Variants in PKHD1 observed in about 807,000 individuals in gnomAD.
The protein encoded by PKHD1 is PKHD1 ciliary IPT domain containing fibrocystin/polyductin, also known as fibrocystin.
Under a neutral mutation model 412.0 loss-of-function variants are expected in PKHD1, and 291 were observed. The ratio of observed to expected loss-of-function variants is 0.71; its 90% CI spans 0.64 to 0.78. The LOEUF (loss-of-function observed/expected upper bound fraction) is 0.78, where lower values mean the gene tolerates loss of function less well. PKHD1 is among the 30% of genes least tolerant of loss of function. The probability of loss-of-function intolerance (pLI) is 0.00; values close to 1 mark genes in which losing one functional copy is unlikely to be tolerated. For synonymous variants in PKHD1, 1,777 were observed against 1,821.5 expected, an observed-to-expected ratio of 0.98 and a Z score of 0.62; for missense variants, 4,825 against 4,950.7, an observed-to-expected ratio of 0.97 and a Z score of 0.76.
intron 60 of PKHD1, among the ~76,000 whole-genome samples, chr6:51,716,493 G>T (rs557760184): frequency 2.1e-4 from 32 of 152,094 alleles, no homozygotes; most frequent in Non-Finnish European, 4.3e-4. Context: ...GTCACAAAAG[G>T]CTTCATAGAG....
chr6:51,911,663 C>CA, intron 39 of PKHD1, 136 bp downstream of exon 39: 1 of 756,326 alleles, frequency 1.3e-6, no homozygotes, highest in Non-Finnish European at 2.3e-6. Context: ...CTGAAAACTA[C>CA]AGAAAAGTAT....
At chr6:51,694,548 CTTTTTTTTT>C (rs67157925) in intron 60 of PKHD1, among the ~76,000 whole-genome samples, 61 of 37,708 alleles carry the variant, frequency 1.6e-3, no homozygotes, top group African/African-American at 6.6e-3. Context: ...CACAACCAGC[CTTTTTTTTT>C]TTTTTTTTTT....
intron 55 of PKHD1, among the ~76,000 whole-genome samples, chr6:51,768,037 T>TGGTTTTG (rs1239544403): frequency 6.6e-6 from 1 of 152,124 alleles, no homozygotes; most frequent in African/African-American, 2.4e-5. Flanking sequence ...TATCTCATTG[T>TGGTTTTG]GGTTTTGATT....
intron 52 of PKHD1, among the ~76,000 whole-genome samples, chr6:51,824,084 T>C (rs1266490576): frequency 1.3e-5 from 2 of 152,206 alleles, no homozygotes; most frequent in African/African-American, 4.8e-5. Context: ...TTAACATATG[T>C]CATAGCATTT....
chr6:52,020,915 A>G (rs1361803512), intron 33 of PKHD1, among the ~76,000 whole-genome samples: 1 of 602 alleles, frequency 1.7e-3, no homozygotes, highest in Admixed American at 0.083. Context: ...CTTCCTAGGG[A>G]AAAAAAAAAA....
chr6:51,779,207 C>G (rs561589021), intron 53 of PKHD1, among the ~76,000 whole-genome samples: 178 of 152,242 alleles, frequency 1.2e-3, no homozygotes, highest in African/African-American at 4.2e-3. Flanking sequence ...CCATTTTAAA[C>G]TCCTTCCTTT....
chr6:51,780,179 A>G (rs955916848), intron 53 of PKHD1, among the ~76,000 whole-genome samples: 5 of 152,152 alleles, frequency 3.3e-5, no homozygotes, highest in Admixed American at 2.6e-4. Flanking sequence ...CAAGGTCAAG[A>G]GATCTAGACC....
At chr6:51,863,279 G>T (rs563221432) in intron 48 of PKHD1, among the ~76,000 whole-genome samples, 1 of 152,010 alleles carries the variant, frequency 6.6e-6, no homozygotes, top group South Asian at 2.1e-4. Flanking sequence ...TTTTATGTAC[G>T]TCCTGTAAAA....
chr6:51,962,676 C>A (rs1473428528), intron 35 of PKHD1, among the ~76,000 whole-genome samples: 1 of 152,092 alleles, frequency 6.6e-6, no homozygotes, highest in Admixed American at 6.6e-5. Context: ...AAGCTCCCAT[C>A]TGAAGTTTTT....
In PKHD1 at chr6:51,902,411, T is replaced by C. The variant is rs535700443; in HGVS notation, c.6996+1186A>G. ...CTGGGATCTGGGTTCCTACAGTCCG[T>C]GTAGTTCTGCTTCCTTTGCTTACTG... On this transcript the variant is annotated intron_variant, in intron 43 of 66. Coordinates refer to ENST00000371117, the MANE Select transcript of PKHD1 (RefSeq NM_138694.4). Among the ~76,000 whole-genome samples, 4 of 152,290 alleles carry C rather than the reference T, an allele frequency of 2.6e-5. No individual in the cohort carries two copies. In the East Asian group the frequency reaches 5.8e-4, roughly 22 times the overall value.
chr6:51,671,172 T>C (rs370896593), intron 60 of PKHD1, among the ~76,000 whole-genome samples: 5 of 152,220 alleles, frequency 3.3e-5, no homozygotes, highest in Middle Eastern at 3.4e-3. Flanking sequence ...CTCCCCGTCA[T>C]TTTCAGGTAC....
chr6:52,065,133 T>TTATATATA (rs369093047), intron 12 of PKHD1, 83 bp from the exon 13 acceptor site: 77 of 132,248 alleles, frequency 5.8e-4, no homozygotes, highest in Non-Finnish European at 8.6e-4. Context: ...ATATGTATAA[T>TTATATATA]TATATATATA....
chr6:51,659,713 G>C lies in PKHD1; in HGVS notation c.10413C>G (p.Val3471=), dbSNP rs147440122. ...CTTGAGGAGTTTGATCCATGAAGCA[G>C]ACTTTGGTGATTTGCCTGATGGGTA... ...SILPIRQITK[V]CFMDQTPQVL... is the part of the protein sequence containing the mutation. Residue 3471 remains valine, a synonymous_variant, in exon 61 of 67, where the codon GTC becomes GTG. Transcript: ENST00000371117. 207 of 1,613,716 alleles carry C rather than the reference G, an allele frequency of 1.3e-4. No individual in the cohort carries two copies. The highest frequency in any genetic ancestry group is 1.6e-4 in the Non-Finnish European group (191 of 1,179,870).
At chr6:51,982,170 C>T (rs1330729160) in intron 35 of PKHD1, among the ~76,000 whole-genome samples, 13 of 42,496 alleles carry the variant, frequency 3.1e-4, no homozygotes, top group Admixed American at 6.5e-4. Context: ...GCAGCCACCC[C>T]GTCCGGGAGG....
intron 50 of PKHD1, among the ~76,000 whole-genome samples, chr6:51,843,653 C>T (rs1284323047): frequency 6.6e-6 from 1 of 152,218 alleles, no homozygotes; most frequent in East Asian, 1.9e-4. Flanking sequence ...CATTCCCAAG[C>T]ACGGCATAGA....
chr6:52,040,085 T>G (rs1804600141), intron 27 of PKHD1, among the ~76,000 whole-genome samples: 1 of 152,182 alleles, frequency 6.6e-6, no homozygotes, highest in South Asian at 2.1e-4. Flanking sequence ...ATATCTGTGG[T>G]TACCAGGGAT....
chr6:51,896,176 G>A (rs888295338), intron 43 of PKHD1, among the ~76,000 whole-genome samples: 5 of 152,094 alleles, frequency 3.3e-5, no homozygotes, highest in Admixed American at 1.3e-4. Context: ...ACAGCTCAAG[G>A]AGGCCTGCCT....
intron 57 of PKHD1, among the ~76,000 whole-genome samples, chr6:51,748,903 A>C (rs1785623291): frequency 6.6e-6 from 1 of 152,234 alleles, no homozygotes; most frequent in African/African-American, 2.4e-5. Context: ...GGACAGGGAA[A>C]GATGAGAGGA....
At chr6:51,906,152 T>C (rs995867785) in intron 41 of PKHD1, 63 bp downstream of exon 41, 3 of 1,410,062 alleles carry the variant, frequency 2.1e-6, no homozygotes, top group East Asian at 4.6e-5. Context: ...TTGGGGAGAA[T>C]TCATTGTGAA....
Sources: allele counts gnomAD v4.1 joint callset (sites outside exome capture counted in the v4.1 genomes callset), GRCh38; gene constraint gnomAD v4.1.1; transcripts MANE v1.5; gene names NCBI Gene and HGNC (gene_info 2026-07-23, HGNC 2026-07-21).